The following PSD2 variants were observed in gnomAD, a reference collection of about 807,000 sequenced individuals.
The protein encoded by PSD2 is PH and SEC7 domain-containing protein 2.
PSD2 carries 38 observed loss-of-function variants against 69.8 expected under a neutral mutation model. That is an observed-to-expected ratio of 0.54 (90% CI 0.42 to 0.71). The LOEUF (loss-of-function observed/expected upper bound fraction) is 0.71, where lower values mean the gene tolerates loss of function less well. Ranked by LOEUF, PSD2 falls within the 30% of genes least tolerant of loss-of-function variation. The pLI, the probability that PSD2 is intolerant of heterozygous loss-of-function variation, is 0.00. For missense variants in PSD2, 943 were observed against 1,014.5 expected, an observed-to-expected ratio of 0.93 and a Z score of 0.96; for synonymous variants, 412 against 423.0, an observed-to-expected ratio of 0.97 and a Z score of 0.32.
At chr5:139,800,167 C>T (rs938175693) in intron 1 of PSD2, among the ~76,000 whole-genome samples, 2 of 152,342 alleles carry the variant, frequency 1.3e-5, no homozygotes, top group African/African-American at 2.4e-5. Flanking sequence ...CTTGCAGACC[C>T]CAATTCCCTT....
At chr5:139,765,360 C>T in the PSD2 span, among the ~76,000 whole-genome samples, 1 of 152,112 alleles carries the variant, frequency 6.6e-6, no homozygotes, top group African/African-American at 2.4e-5. Context: ...TAAATAGCCC[C>T]CAGGGACCAC....
chr5:139,789,989 G>A, the PSD2 span, among the ~76,000 whole-genome samples: 2 of 150,626 alleles, frequency 1.3e-5, no homozygotes, highest in Admixed American at 1.3e-4. Context: ...AGAGCAGCAC[G>A]GGGCCGGGCG....
At chr5:139,760,114 G>C in the PSD2 span, among the ~76,000 whole-genome samples, 1 of 152,164 alleles carries the variant, frequency 6.6e-6, no homozygotes, top group African/African-American at 2.4e-5. Context: ...GTGATGCCTG[G>C]TCCCACCCTC....
rs752199949 is a variant in PSD2, at chr5:139,839,455, C to T, written c.1969-572C>T. Among the ~76,000 whole-genome samples the T allele has an allele frequency of 6.6e-6, 1 of 152,266 alleles. No homozygotes were observed. Among genetic ancestry groups the T allele is most frequent in the South Asian group, 2.1e-4 (1 of 4,836 alleles). On this transcript the variant is annotated intron_variant, in intron 13 of 14. Transcript: ENST00000274710. The surrounding 1 kb of genome is among the most constrained non-coding windows in gnomAD (Gnocchi z 5.1). Reference sequence around the variant, plus strand: ...ACACACAGGTGGTGACTCATACACACATGCATGCATGTGCACACAGCACCA... The same window carrying T: ...ACACACAGGTGGTGACTCATACACATATGCATGCATGTGCACACAGCACCA...
At chr5:139,838,823 C>T (rs1760803147) in intron 13 of PSD2, 51 bp downstream of exon 13, 2 of 1,579,636 alleles carry the variant, frequency 1.3e-6, no homozygotes, top group African/African-American at 2.7e-5. Context: ...CATCCTCAGC[C>T]CAGGCCCCCA....
chr5:139,746,813 G>T, the PSD2 span, among the ~76,000 whole-genome samples: 1 of 152,206 alleles, frequency 6.6e-6, no homozygotes, highest in East Asian at 1.9e-4. This position sits in a 1 kb window ranked among gnomAD's most constrained non-coding sequence, Gnocchi z 4.5. Context: ...CGGGCAAGTG[G>T]CGTAGCGATG....
At chr5:139,746,956 G>A in the PSD2 span, among the ~76,000 whole-genome samples, 1 of 152,134 alleles carries the variant, frequency 6.6e-6, no homozygotes, top group African/African-American at 2.4e-5. This position sits in a 1 kb window ranked among gnomAD's most constrained non-coding sequence, Gnocchi z 4.5. Flanking sequence ...ACGGTCGTCC[G>A]CAGCTCGAGG....
In PSD2 at chr5:139,843,145, C is replaced by G. The variant is rs957373220; in HGVS notation, c.*671C>G. On this transcript the variant is annotated 3_prime_UTR_variant, in exon 15 of 15. Coordinates refer to ENST00000274710, the MANE Select transcript of PSD2 (RefSeq NM_032289.4). ...ATAAGAATAATATATACATAAGGAA[C>G]CCCTGAAAGATGGTTTTGGAACTGG... 6.6e-6 allele frequency: 1 copy of G among 152,400 alleles called. No individual in the cohort carries two copies. The highest frequency in any genetic ancestry group is 1.5e-5 in the Non-Finnish European group (1 of 68,038). The allele number at this position is 152,400 out of a possible 1,614,324, so 9.4% of individuals were successfully genotyped here.
At chr5:139,801,232 C>G (rs1366801498) in intron 1 of PSD2, among the ~76,000 whole-genome samples, 1 of 151,990 alleles carries the variant, frequency 6.6e-6, no homozygotes, top group African/African-American at 2.4e-5. Flanking sequence ...TCTCTCCTTC[C>G]CTTAGCAGAG....
chr5:139,815,055 C>A (rs748696658), intron 4 of PSD2, among the ~76,000 whole-genome samples: 1 of 152,188 alleles, frequency 6.6e-6, no homozygotes, highest in Non-Finnish European at 1.5e-5. Context: ...CCTGGCCCTG[C>A]AGCACTGCTC....
At chr5:139,808,991 A>G (rs1581714706) in intron 1 of PSD2, among the ~76,000 whole-genome samples, 1 of 152,166 alleles carries the variant, frequency 6.6e-6, no homozygotes, top group East Asian at 1.9e-4. Flanking sequence ...AGGCTAGGGG[A>G]CCGGCTGCTG....
intron 7 of PSD2, among the ~76,000 whole-genome samples, chr5:139,827,116 A>T (rs1161925953): frequency 6.6e-6 from 1 of 152,260 alleles, no homozygotes; most frequent in Non-Finnish European, 1.5e-5. Flanking sequence ...GAGGTGATCC[A>T]GGGCCTAGCC....
Position 139,842,653 on chromosome 5 carries a change from T to A in PSD2, c.*179T>A, listed in dbSNP as rs1760904605. On this transcript the variant is annotated 3_prime_UTR_variant, in exon 15 of 15. Transcript: ENST00000274710. ...CGTTTGTGGCGTTGATCTCCTTGCG[T>A]CCTTGGGCATCTCCGGGCATCAGAC... 5.0e-6 allele frequency: 3 copies of A among 603,262 alleles called. No homozygotes were observed. Among genetic ancestry groups the A allele is most frequent in the Middle Eastern group, 4.4e-4 (1 of 2,280 alleles). 37.4% of individuals were successfully genotyped at this position (603,262 alleles called of 1,614,324 possible). A position where few individuals can be genotyped will look rare whatever the true frequency, so the allele number is the denominator to read the frequency against.
intron 5 of PSD2, among the ~76,000 whole-genome samples, chr5:139,818,363 A>G (rs1472250037): frequency 6.6e-6 from 1 of 152,088 alleles, no homozygotes; most frequent in African/African-American, 2.4e-5. Flanking sequence ...TGGGCAACAT[A>G]GGGAGGCCCA....
the PSD2 span, among the ~76,000 whole-genome samples, chr5:139,770,243 G>A: frequency 1.3e-5 from 2 of 152,174 alleles, no homozygotes; most frequent in Non-Finnish European, 2.9e-5. Context: ...GATGCAAGAA[G>A]AAGGCAATTG....
In PSD2 at chr5:139,834,268, C is replaced by T. The variant is rs533152638; in HGVS notation, c.1359+477C>T. 2.5e-3 allele frequency among the ~76,000 whole-genome samples: 379 copies of T among 152,036 alleles called. 1 individual carries two copies. Among genetic ancestry groups the T allele is most frequent in the Non-Finnish European group, 4.3e-3 (295 of 67,974 alleles). ...GAAAAGGAGCAGGTTTTTGGTGGCT[C>T]GGTGATGGGCTCATTTTTATTATTT... On this transcript the variant is annotated intron_variant, in intron 8 of 14. Coordinates refer to ENST00000274710, the MANE Select transcript of PSD2 (RefSeq NM_032289.4).
the PSD2 span, among the ~76,000 whole-genome samples, chr5:139,766,930 C>CTTCTTTCTTTCTTTCTTTCTTTCTTTCT: frequency 2.3e-5 from 1 of 44,120 alleles, no homozygotes; most frequent in East Asian, 6.4e-4. Context: ...CCTTCCTTCC[C>CTTCTTTCTTTCTTTCTTTCTTTCTTTCT]TTCTTTCTTT....
At chr5:139,796,380 T>C (rs75963243) in intron 1 of PSD2, among the ~76,000 whole-genome samples, 42,625 of 152,112 alleles carry the variant, frequency 0.28, 6,917 homozygotes, top group African/African-American at 0.45. Context: ...AGCCTGGTGG[T>C]CGGGGATCGG....
rs766038082 is a variant in PSD2, at chr5:139,842,378, C to T, written c.2220C>T (p.Asp740=). 1 of 1,614,180 alleles carries T rather than the reference C, an allele frequency of 6.2e-7. No homozygotes were observed. The highest frequency in any genetic ancestry group is 8.5e-7 in the Non-Finnish European group (1 of 1,180,032). ...GGCTGGCCACTCTGGAAGGGGATGA[C>T]CCTTCTCTCCGGAAGACACATTCAA... ...EARLATLEGD[D]PSLRKTHSSP... Residue 740 remains aspartate (D), a synonymous_variant, in exon 15 of 15, where the codon GAC becomes GAT. Transcript: ENST00000274710.
Sources: gnomAD v4.1 joint callset for allele counts (sites outside exome capture counted in the v4.1 genomes callset) on GRCh38, gnomAD v4.1.1 for gene constraint, Gnocchi (gnomAD v3.1) non-coding constraint, MANE v1.5 for transcripts, NCBI Gene and HGNC (gene_info 2026-07-23, HGNC 2026-07-21) for gene names.